ARL5B: variants seen among roughly 807,000 people sequenced by gnomAD.
The protein encoded by ARL5B is ARF like GTPase 5B, also known as ADP-ribosylation factor-like protein 5B.
A neutral mutation model predicts 26.9 loss-of-function variants in ARL5B; 10 were observed. The observed-to-expected ratio is 0.37, with a 90% CI of 0.23 to 0.63. The LOEUF is 0.63. Ranked by LOEUF, ARL5B falls within the 30% of genes least tolerant of loss-of-function variation. ARL5B has a pLI of 0.62. For synonymous variants in ARL5B, 87 were observed against 70.4 expected, an observed-to-expected ratio of 1.24 and a Z score of -1.18; for missense variants, 167 against 213.9, an observed-to-expected ratio of 0.78 and a Z score of 1.37.
intron 1 of ARL5B, among the ~76,000 whole-genome samples, chr10:18,666,371 T>G (rs941125248): frequency 6.6e-6 from 1 of 152,246 alleles, no homozygotes; most frequent in Admixed American, 6.5e-5. Flanking sequence ...ACATGAGAAC[T>G]AGACAGAGAA....
chr10:18,664,640 G>A (rs369320143), intron 1 of ARL5B, among the ~76,000 whole-genome samples: 16 of 150,614 alleles, frequency 1.1e-4, no homozygotes, highest in Non-Finnish European at 2.1e-4. Flanking sequence ...GGGTTTCACC[G>A]TGTTAGCCAG....
At chr10:18,666,446 T>A (rs2131640511) in intron 1 of ARL5B, 129 bp from the exon 2 acceptor site, 2 of 702,180 alleles carry the variant, frequency 2.8e-6, no homozygotes, top group Admixed American at 3.5e-5. Context: ...TCTTTCTGCA[T>A]TTTAAGTCTA....
chr10:18,668,766 T>C, intron 3 of ARL5B, 89 bp downstream of exon 3: 1 of 1,260,722 alleles, frequency 7.9e-7, no homozygotes, highest in Non-Finnish European at 1.0e-6. Context: ...GTATTGACAG[T>C]TGCCTTTTTT....
chr10:18,659,872 A>G (rs1006933188), intron 1 of ARL5B, 189 bp downstream of exon 1: 3 of 985,172 alleles, frequency 3.0e-6, no homozygotes, highest in Admixed American at 6.2e-5. Context: ...GTGTGGGAGA[A>G]ATAGGGAGGC....
At chr10:18,660,993 C>A (rs999245858) in intron 1 of ARL5B, among the ~76,000 whole-genome samples, 1 of 152,088 alleles carries the variant, frequency 6.6e-6, no homozygotes, top group African/African-American at 2.4e-5. Context: ...TATTTACAGG[C>A]ACCCGCCACC....
In ARL5B at chr10:18,668,580, A is replaced by G; in HGVS notation, c.158A>G (p.Glu53Gly). The change falls in exon 3 of 6, where the codon GAA (glutamate) becomes GGA (glycine). Residue 53 changes from glutamate to glycine, a missense_variant. Glu to Gly is a moderately conservative substitution (Grantham distance 98). Coordinates refer to ENST00000377275, the MANE Select transcript of ARL5B (RefSeq NM_178815.5). ...HTSPTIGSNV[E>G]EIVVKNTHFL... ...TCTCCAACCATAGGAAGCAATGTTG[A>G]AGAAATAGTTGTGAAGAACACTCAT... 6.2e-7 allele frequency: 1 copy of G among 1,614,138 alleles called. No homozygotes were observed. Among genetic ancestry groups the G allele is most frequent in the Non-Finnish European group, 8.5e-7 (1 of 1,180,014 alleles).
In ARL5B at chr10:18,669,388, T is replaced by C. The variant is rs117074093; in HGVS notation, c.255+711T>C. ...ATAAAATATTTTATTAATTTAAAAA[T>C]TTTTTATACCATGAACATTCAAAAT... On this transcript the variant is annotated intron_variant, in intron 3 of 5. Transcript: ENST00000377275. 8.3e-3 allele frequency among the ~76,000 whole-genome samples: 1,259 copies of C among 152,208 alleles called. 14 individuals carry two copies. The highest frequency in any genetic ancestry group is 0.033 in the South Asian group (160 of 4,822).
chr10:18,671,182 T>C (rs1051886241), intron 3 of ARL5B, among the ~76,000 whole-genome samples: 1 of 152,174 alleles, frequency 6.6e-6, no homozygotes, highest in Non-Finnish European at 1.5e-5. Context: ...ATTTTATTTA[T>C]TTTTGTTTTT....
intron 1 of ARL5B, among the ~76,000 whole-genome samples, chr10:18,664,036 C>T (rs2059849327): frequency 6.6e-6 from 1 of 152,080 alleles, no homozygotes; most frequent in African/African-American, 2.4e-5. Flanking sequence ...TCACTGCCAC[C>T]TCTGCCTCCC....
chr10:18,681,526 A>G lies in ARL5B; in HGVS notation c.*6310A>G, dbSNP rs1481124495. On this transcript the variant is annotated 3_prime_UTR_variant, in exon 6 of 6. Coordinates refer to ENST00000377275, the MANE Select transcript of ARL5B (RefSeq NM_178815.5). ...CGATGCTGTTTGCTCTGGAATGTTC[A>G]TCTTTTAGACAGGTTTTGGCTCATT... The G allele has an allele frequency of 2.6e-5, 4 of 152,168 alleles. No homozygotes were observed. Among genetic ancestry groups the G allele is most frequent in the African/African-American group, 9.7e-5 (4 of 41,434 alleles). The allele number at this position is 152,168 out of a possible 1,614,324, so 9.4% of individuals were successfully genotyped here.
chr10:18,672,663 A>G lies in ARL5B; in HGVS notation c.297A>G (p.Leu99=). The change falls in exon 4 of 6, where the codon CTA becomes CTG. Residue 99 remains leucine, a synonymous_variant. Coordinates refer to ENST00000377275, the MANE Select transcript of ARL5B (RefSeq NM_178815.5). The part of the protein sequence containing the change: ...LVVDSIDRER[L]AITKEELYRM... The stretch of plus-strand genomic sequence containing the variant: ...TTGATAGCATTGACAGGGAACGACT[A>G]GCTATTACAAAAGAAGAATTATACA... 1.9e-6 allele frequency: 3 copies of G among 1,611,160 alleles called. No homozygotes were observed. In the South Asian group the frequency reaches 3.3e-5, roughly 18 times the overall value.
intron 1 of ARL5B, among the ~76,000 whole-genome samples, chr10:18,663,059 A>G (rs1474098203): frequency 1.3e-5 from 2 of 151,854 alleles, no homozygotes; most frequent in Non-Finnish European, 2.9e-5. Flanking sequence ...CCCAGGCTGG[A>G]GTGTAGTCCT....
chr10:18,663,198 G>A (rs2059844755), intron 1 of ARL5B, among the ~76,000 whole-genome samples: 1 of 151,876 alleles, frequency 6.6e-6, no homozygotes. Context: ...TAGTAGAGAT[G>A]GATTTTACCA....
In ARL5B at chr10:18,681,616, TAATA is replaced by T. The variant is rs755559002; in HGVS notation, c.*6406_*6409del. 1.3e-5 allele frequency: 2 copies of T among 152,202 alleles called. No homozygotes were observed. Among genetic ancestry groups the T allele is most frequent in the African/African-American group, 4.8e-5 (2 of 41,442 alleles). The allele number at this position is 152,202 out of a possible 1,614,324, so 9.4% of individuals were successfully genotyped here. On this transcript the variant is annotated 3_prime_UTR_variant, in exon 6 of 6. Coordinates refer to ENST00000377275, the MANE Select transcript of ARL5B (RefSeq NM_178815.5). ...TCATTCAACAGTTTTATTTTTGTCATAATAAATAATTACTTTTCCAATACGAAGT... is the reference window on the plus strand; with the variant it reads ...TCATTCAACAGTTTTATTTTTGTCATAATAATTACTTTTCCAATACGAAGT...
chr10:18,675,275 T>C lies in ARL5B; in HGVS notation c.*59T>C. 1 of 1,517,428 alleles carries C rather than the reference T, an allele frequency of 6.6e-7. No individual in the cohort carries two copies. Among genetic ancestry groups the C allele is most frequent in the South Asian group, 1.1e-5 (1 of 88,854 alleles). The allele number at this position is 1,517,428 out of a possible 1,614,324, so 94.0% of individuals were successfully genotyped here. A position where few individuals can be genotyped will look rare whatever the true frequency, so the allele number is the denominator to read the frequency against. On this transcript the variant is annotated 3_prime_UTR_variant, in exon 6 of 6. Coordinates refer to ENST00000377275, the MANE Select transcript of ARL5B (RefSeq NM_178815.5). ...CTGTGACATGAACATTTTTTCCTAG[T>C]ACCTTTGGCTGCTAAGGCAGCAGCA... is the stretch of plus-strand genomic sequence containing the variant.
At chr10:18,673,042 G>GT (rs936894190) in intron 4 of ARL5B, among the ~76,000 whole-genome samples, 27 of 146,576 alleles carry the variant, frequency 1.8e-4, no homozygotes, top group Admixed American at 2.7e-4. Flanking sequence ...TAACTGAAAG[G>GT]TTTTTTTTTT....
chr10:18,676,585 C>G lies in ARL5B; in HGVS notation c.*1369C>G, dbSNP rs765147401. ...CTGTTTATTCAAATGTGTGATTTTG[C>G]TGAAATGAAAGGGATAAAATGAATA... On this transcript the variant is annotated 3_prime_UTR_variant, in exon 6 of 6. Coordinates refer to ENST00000377275, the MANE Select transcript of ARL5B (RefSeq NM_178815.5). 21 of 151,928 alleles carry G rather than the reference C, an allele frequency of 1.4e-4. No individual in the cohort carries two copies. The highest frequency in any genetic ancestry group is 3.4e-3 in the Middle Eastern group (1 of 292). The allele number at this position is 151,928 out of a possible 1,614,324, so 9.4% of individuals were successfully genotyped here. A position where few individuals can be genotyped will look rare whatever the true frequency, so the allele number is the denominator to read the frequency against.
chr10:18,666,315 C>T (rs1178675429), intron 1 of ARL5B, among the ~76,000 whole-genome samples: 1 of 152,206 alleles, frequency 6.6e-6, no homozygotes, highest in Admixed American at 6.5e-5. Context: ...ATATAAGTGA[C>T]CAACTTTGCT....
In ARL5B at chr10:18,674,036, G is replaced by C. The variant is rs777686752; in HGVS notation, c.392G>C (p.Gly131Ala). The C allele has an allele frequency of 6.2e-7, 1 of 1,613,076 alleles. No individual in the cohort carries two copies. Residue 131 changes from glycine (G) to alanine (A), a missense_variant, in exon 5 of 6, where the codon GGG becomes GCG. Physicochemically the swap from Gly to Ala is moderately conservative, Grantham distance 60. Coordinates refer to ENST00000377275, the MANE Select transcript of ARL5B (RefSeq NM_178815.5). Reference protein sequence around the residue: ...LIFANKQDMKGCMTAAEISKY... With the variant: ...LIFANKQDMKACMTAAEISKY... ...TTTGCAAATAAACAGGATATGAAAG[G>C]GTGTATGACAGCAGCTGAAATCTCG...
Sources: gnomAD v4.1 joint callset for allele counts (sites outside exome capture counted in the v4.1 genomes callset) on GRCh38, gnomAD v4.1.1 for gene constraint, MANE v1.5 for transcripts, NCBI Gene and HGNC (gene_info 2026-07-23, HGNC 2026-07-21) for gene names.